ATP8B1: variants seen among roughly 807,000 people sequenced by gnomAD.
ATP8B1 encodes phospholipid-transporting ATPase IC.
In ATP8B1, 80 loss-of-function variants were observed where a neutral mutation model predicts 149.9. The observed-to-expected ratio is 0.53, with a 90% confidence interval of 0.45 to 0.64. ATP8B1 has a LOEUF of 0.64. Among genes scored for constraint, ATP8B1 ranks in the 30% least tolerant of loss-of-function variants. The probability of loss-of-function intolerance (pLI) is 0.00; values close to 1 mark genes in which losing one functional copy is unlikely to be tolerated. For missense variants in ATP8B1, 1,247 were observed against 1,552.6 expected (o/e 0.80, Z 3.31); for synonymous variants, 536 against 562.8 (o/e 0.95, Z 0.67).
At chr18:57,715,780 C>T (rs1022373787) in intron 2 of ATP8B1, among the ~76,000 whole-genome samples, 1 of 152,116 alleles carries the variant, frequency 6.6e-6, no homozygotes, top group Admixed American at 6.5e-5. Context: ...CCTTCCCAGA[C>T]AAACAAAAGC....
intron 2 of ATP8B1, among the ~76,000 whole-genome samples, chr18:57,722,275 C>CA (rs1278876157): frequency 2.1e-5 from 3 of 144,504 alleles, no homozygotes; most frequent in East Asian, 5.3e-4. Context: ...AATAGAGACA[C>CA]AAAAAACCCT....
intron 17 of ATP8B1, among the ~76,000 whole-genome samples, chr18:57,670,652 T>C (rs1238173723): frequency 1.3e-5 from 2 of 151,874 alleles, no homozygotes; most frequent in Non-Finnish European, 2.9e-5. Flanking sequence ...CCCAGCCTGA[T>C]TTAAACATTT....
rs34597611 is a variant in ATP8B1, at chr18:57,662,569, C to T, written c.2332G>A (p.Val778Ile). 6.2e-5 allele frequency: 100 copies of T among 1,614,100 alleles called. No individual in the cohort carries two copies. Among genetic ancestry groups the T allele is most frequent in the African/African-American group, 4.8e-4 (36 of 75,016 alleles). Residue 778 changes from valine (V) to isoleucine (I), a missense_variant, in exon 21 of 28, where the codon GTC becomes ATC. Around this residue, in one of 3 missense-constraint regions of ATP8B1, gnomAD observed 853 missense variants for 1,035.7 expected, o/e 0.82. Transcript: ENST00000648908. The stretch of plus-strand genomic sequence containing the variant: ...ACAGGAGGTGCAAACTTTGCGTAGA[C>T]GCCACCTCTATTCCTCTGGTTTTCC... ...RMENQRNRGG[V>I]YAKFAPPVQE...
intron 1 of ATP8B1, among the ~76,000 whole-genome samples, chr18:57,756,192 C>CATATAT (rs147263393): frequency 3.3e-4 from 28 of 84,754 alleles, no homozygotes; most frequent in East Asian, 1.1e-3. Flanking sequence ...ATTTCCACAA[C>CATATAT]ATATATATAT....
rs1909348362 is a variant in ATP8B1, at chr18:57,648,596, G to A, written c.3648C>T (p.Gly1216=). ...RSAYAFSHQR[G]YADLISSGRS... is the part of the protein sequence containing the mutation. ...GCCCGGAGGAGATGAGGTCCGCGTA[G>A]CCCCGCTGGTGCGAGAAGGCGTAGG... Residue 1216 remains glycine, a synonymous_variant, in exon 28 of 28, where the codon GGC becomes GGT. Transcript: ENST00000648908. 6.2e-7 allele frequency: 1 copy of A among 1,611,152 alleles called. No homozygotes were observed. Among genetic ancestry groups the A allele is most frequent in the Admixed American group, 1.7e-5 (1 of 59,994 alleles).
chr18:57,799,778 A>G (rs931633665), intron 1 of ATP8B1, among the ~76,000 whole-genome samples: 4 of 152,132 alleles, frequency 2.6e-5, no homozygotes, highest in African/African-American at 9.7e-5. Context: ...ACATGCTCAT[A>G]TCTATATACA....
intron 1 of ATP8B1, chr18:57,755,311 C>A (rs1402219067): frequency 2.0e-5 from 3 of 151,928 alleles, no homozygotes; most frequent in African/African-American, 4.8e-5. Context: ...ATAACATCAA[C>A]ATTTGGGAAG....
In ATP8B1 at chr18:57,731,564, G is replaced by A. The variant is rs748754103; in HGVS notation, c.181+63C>T. The A allele has an allele frequency of 5.8e-6, 9 of 1,548,376 alleles. 1 individual carries two copies. The Admixed American group carries it at 7.1e-5, about 12-fold the overall frequency. ...AAAATAGACCGATCATCTTTGGCAC[G>A]TGTGGCCATGACCCACATGAGGATT... On this transcript the variant is annotated intron_variant, in intron 2 of 27. Transcript: ENST00000648908.
At chr18:57,694,434 C>A (rs936858021) in intron 11 of ATP8B1, 148 bp downstream of exon 11, 3 of 587,668 alleles carry the variant, frequency 5.1e-6, no homozygotes, top group Non-Finnish European at 6.0e-6. Context: ...AAAAAAATCC[C>A]TTCTTCCTGC....
At chr18:57,750,664 T>TC (rs2080007866) in intron 1 of ATP8B1, among the ~76,000 whole-genome samples, 1 of 152,162 alleles carries the variant, frequency 6.6e-6, no homozygotes, top group Non-Finnish European at 1.5e-5. Context: ...ATCCTCAGAG[T>TC]CCAACCTACT....
At chr18:57,690,406 T>C (rs1435092452) in intron 12 of ATP8B1, among the ~76,000 whole-genome samples, 1 of 152,232 alleles carries the variant, frequency 6.6e-6, no homozygotes, top group East Asian at 1.9e-4. Context: ...AGATACTATC[T>C]GGAAGAACTT....
chr18:57,658,339 C>G (rs972943822), intron 22 of ATP8B1, among the ~76,000 whole-genome samples: 2 of 152,150 alleles, frequency 1.3e-5, no homozygotes, highest in African/African-American at 4.8e-5. Context: ...CATGAGCCAC[C>G]ATGCCCCACC....
rs1179568585 is a variant in ATP8B1 at position 57,790,018 on chromosome 18, A to G, written c.-26+12980T>C. ...GTCCCAGCAACTCAAACTAAACATG[A>G]TCAAAGCTACATTCATCTTCTAAAA... On this transcript the variant is annotated intron_variant, in intron 1 of 27. Transcript: ENST00000648908. Among the ~76,000 whole-genome samples, 11 of 152,202 alleles carry G rather than the reference A, an allele frequency of 7.2e-5. No individual in the cohort carries two copies. The East Asian group carries it at 2.1e-3, about 29-fold the overall frequency.
Position 57,784,218 on chromosome 18 carries a change from G to A in ATP8B1, c.-26+18780C>T, listed in dbSNP as rs758278176. Reference sequence around the variant, plus strand: ...CTGAAGGAGAAAAAGAATGGAATTTGCAGGGGGAAGCCGGGGTCAGGGCGG... The same window carrying A: ...CTGAAGGAGAAAAAGAATGGAATTTACAGGGGGAAGCCGGGGTCAGGGCGG... On this transcript the variant is annotated intron_variant, in intron 1 of 27. Transcript: ENST00000648908. This position sits in a 1 kb window ranked among gnomAD's most constrained non-coding sequence, Gnocchi z 4.4. Among the ~76,000 whole-genome samples, 11 of 152,208 alleles carry A rather than the reference G, an allele frequency of 7.2e-5. No homozygotes were observed. Among genetic ancestry groups the A allele is most frequent in the Admixed American group, 3.3e-4 (5 of 15,282 alleles).
chr18:57,754,945 T>C (rs2080063338), intron 1 of ATP8B1, among the ~76,000 whole-genome samples: 1 of 152,186 alleles, frequency 6.6e-6, no homozygotes, highest in Non-Finnish European at 1.5e-5. Flanking sequence ...GAATTTAGAA[T>C]ATAATATGAA....
Position 57,662,343 on chromosome 18 carries a change from C to A in ATP8B1, c.2418+140G>T, listed in dbSNP as rs1432122191. ...TCATATATCATATATTATTAAGTCT[C>A]AAACTTGGAAAAACCACACTTTCAT... On this transcript the variant is annotated intron_variant, in intron 21 of 27. Coordinates refer to ENST00000648908, the MANE Select transcript of ATP8B1 (RefSeq NM_001374385.1). The A allele has an allele frequency of 3.0e-6, 3 of 993,670 alleles. No individual in the cohort carries two copies. The African/African-American group carries it at 4.9e-5, about 16-fold the overall frequency. The allele number at this position is 993,670 out of a possible 1,614,324, so 61.6% of individuals were successfully genotyped here.
intron 1 of ATP8B1, among the ~76,000 whole-genome samples, chr18:57,736,175 G>C (rs988354750): frequency 1.3e-5 from 2 of 151,882 alleles, no homozygotes; most frequent in Admixed American, 6.6e-5. Context: ...ATGGCTGCAG[G>C]GATTATTTGT....
chr18:57,713,201 TTCCTTCC>T (rs1568207519), intron 2 of ATP8B1, among the ~76,000 whole-genome samples: 345 of 70,964 alleles, frequency 4.9e-3, no homozygotes, highest in Admixed American at 5.5e-3. Flanking sequence ...CTTTCTTTCC[TTCCTTCC>T]TTCCTTCCTT....
chr18:57,658,627 T>TTGTGTG (rs71171058), intron 22 of ATP8B1, among the ~76,000 whole-genome samples: 2,821 of 145,030 alleles, frequency 0.019, 29 homozygotes, highest in Admixed American at 0.028. Context: ...AACAATTTCT[T>TTGTGTG]TGTGTGTGTG....
Sources: allele counts gnomAD v4.1 joint callset (sites outside exome capture counted in the v4.1 genomes callset), GRCh38; gene constraint gnomAD v4.1.1; regional missense constraint gnomAD v4.1.1; non-coding constraint Gnocchi (gnomAD v3.1); transcripts MANE v1.5; gene names NCBI Gene and HGNC (gene_info 2026-07-23, HGNC 2026-07-21).